CPEB1: variants seen among roughly 807,000 people sequenced by gnomAD.
CPEB1 encodes the protein cytoplasmic polyadenylation element binding protein 1.
CPEB1 carries 7 observed loss-of-function variants against 65.8 expected under a neutral mutation model. The observed-to-expected ratio is 0.11, with a 90% confidence interval of 0.06 to 0.20. The LOEUF (loss-of-function observed/expected upper bound fraction) is 0.20, where lower values mean the gene tolerates loss of function less well. CPEB1 is among the 10% of genes least tolerant of loss of function. CPEB1 has a pLI of 1.00. For synonymous variants in CPEB1, 262 were observed against 260.0 expected, an observed-to-expected ratio of 1.01 and a Z score of -0.08; for missense variants, 551 against 712.2, an observed-to-expected ratio of 0.77 and a Z score of 2.58.
At chr15:82,612,225 G>A (rs937038838) in intron 3 of CPEB1, among the ~76,000 whole-genome samples, 5 of 151,726 alleles carry the variant, frequency 3.3e-5, no homozygotes, top group Non-Finnish European at 5.9e-5. Flanking sequence ...AGCCAGGTGC[G>A]GTGGCTCATG....
chr15:82,628,894 A>G (rs2045998855), intron 1 of CPEB1: 1 of 163,528 alleles, frequency 6.1e-6, no homozygotes, highest in African/African-American at 2.4e-5. Context: ...TATAAAATAC[A>G]TGTAACATAC....
chr15:82,575,658 T>C (rs534498540), intron 3 of CPEB1, among the ~76,000 whole-genome samples: 2 of 152,278 alleles, frequency 1.3e-5, no homozygotes, highest in African/African-American at 4.8e-5. Context: ...ACAAGGATTA[T>C]ATAAATGGCC....
chr15:82,586,092 C>A (rs1451000094), intron 3 of CPEB1, among the ~76,000 whole-genome samples: 1 of 152,142 alleles, frequency 6.6e-6, no homozygotes, highest in African/African-American at 2.4e-5. Flanking sequence ...AAACAGACAT[C>A]AGGATACAAA....
In CPEB1 at chr15:82,554,024, G is replaced by C. The variant is rs193041779; in HGVS notation, c.941-33C>G. The C allele has an allele frequency of 1.2e-4, 165 of 1,364,838 alleles. No individual in the cohort carries two copies. The African/African-American group carries it at 2.2e-3, about 18-fold the overall frequency. 84.5% of individuals were successfully genotyped at this position (1,364,838 alleles called of 1,614,324 possible). ...AGATGGCAAAGAGATAAACAGGGGA[G>C]GTTAGAGAATCAACAAAGCCACACT... On this transcript the variant is annotated intron_variant, in intron 6 of 12. Transcript: ENST00000684509.
chr15:82,644,009 C>A (rs759731980), intron 1 of CPEB1, among the ~76,000 whole-genome samples: 2 of 152,108 alleles, frequency 1.3e-5, no homozygotes, highest in African/African-American at 4.8e-5. Context: ...TTTTAACTGT[C>A]CTGAAAAAAA....
At chr15:82,647,722 C>G (rs2047698233), upstream of CPEB1, 1 of 790,738 alleles carries the variant, frequency 1.3e-6, no homozygotes, top group South Asian at 6.2e-5. Flanking sequence ...GGCACGTGAC[C>G]GCGCCCCGCC....
intron 3 of CPEB1, among the ~76,000 whole-genome samples, chr15:82,609,660 G>GT (rs2043950616): frequency 6.6e-6 from 1 of 151,814 alleles, no homozygotes; most frequent in African/African-American, 2.4e-5. Context: ...ACAGAAGTTG[G>GT]TTCTTTGAAA....
intron 1 of CPEB1, among the ~76,000 whole-genome samples, chr15:82,637,532 C>T (rs146124118): frequency 3.0e-3 from 456 of 152,320 alleles, no homozygotes; most frequent in African/African-American, 0.01. Flanking sequence ...GCCCTCCGTA[C>T]GGAGTACCCC....
intron 1 of CPEB1, among the ~76,000 whole-genome samples, chr15:82,632,694 AC>A (rs2046362531): frequency 6.7e-6 from 1 of 150,162 alleles, no homozygotes; most frequent in African/African-American, 2.5e-5. Context: ...TTTTTTTTTA[AC>A]TTTTTTTTTT....
At chr15:82,571,879 G>A (rs2040085336) in intron 3 of CPEB1, 2 of 1,051,988 alleles carry the variant, frequency 1.9e-6, no homozygotes, top group Non-Finnish European at 2.3e-6. Flanking sequence ...GGAGCAGGAG[G>A]GGACGACAGG....
chr15:82,592,852 C>T (rs1205081350), intron 3 of CPEB1, among the ~76,000 whole-genome samples: 1 of 151,978 alleles, frequency 6.6e-6, no homozygotes, highest in Non-Finnish European at 1.5e-5. Flanking sequence ...AAAAAATTAG[C>T]CGGGCATGGT....
chr15:82,627,211 T>C lies in CPEB1; in HGVS notation c.253A>G (p.Ile85Val), dbSNP rs1318784954. The C allele has an allele frequency of 1.2e-6, 2 of 1,609,218 alleles. No homozygotes were observed. The highest frequency in any genetic ancestry group is 1.7e-5 in the Admixed American group (1 of 58,860). The change falls in exon 3 of 13, where the codon ATT becomes GTT. Residue 85 changes from isoleucine to valine, a missense_variant. Ile to Val is a conservative substitution (Grantham distance 29, BLOSUM62 3). Transcript: ENST00000684509. Reference sequence around the variant, plus strand: ...AAATCACCTGGCAAATGATCATGAATTCCTCGGTTTATAGGTGTAGTGCAG... The same window carrying C: ...AAATCACCTGGCAAATGATCATGAACTCCTCGGTTTATAGGTGTAGTGCAG... ...RVCTTPINRGIHDHLPDFQDS... is the reference protein window; with the variant it reads ...RVCTTPINRGVHDHLPDFQDS...
intron 3 of CPEB1, among the ~76,000 whole-genome samples, chr15:82,588,624 A>C (rs1470911875): frequency 1.3e-5 from 2 of 152,188 alleles, no homozygotes; most frequent in African/African-American, 4.8e-5. Flanking sequence ...TCTACAAATA[A>C]GGCAATGAAC....
chr15:82,629,356 T>C (rs1349480706), intron 1 of CPEB1: 11 of 985,150 alleles, frequency 1.1e-5, no homozygotes, highest in Non-Finnish European at 1.2e-5. Context: ...CTGATTAAGT[T>C]ATACAACTCT....
chr15:82,579,538 T>C (rs1034783812), intron 3 of CPEB1, among the ~76,000 whole-genome samples: 2 of 152,210 alleles, frequency 1.3e-5, no homozygotes, highest in South Asian at 2.1e-4. Context: ...ATTATCACCT[T>C]TGAGACACAG....
In CPEB1 at chr15:82,573,642, A is replaced by G. The variant is rs573640189; in HGVS notation, c.272-2110T>C. Among the ~76,000 whole-genome samples, 5 of 152,216 alleles carry G rather than the reference A, an allele frequency of 3.3e-5. 1 individual carries two copies. The South Asian group carries it at 1.0e-3, about 32-fold the overall frequency. On this transcript the variant is annotated intron_variant, in intron 3 of 12. Transcript: ENST00000684509. ...GGTGACTGTGCATATGATTACCCCC[A>G]TCCCTCACGAGGAGAGAATCAACTA...
At chr15:82,588,507 A>T (rs537323539) in intron 3 of CPEB1, among the ~76,000 whole-genome samples, 1 of 152,330 alleles carries the variant, frequency 6.6e-6, no homozygotes, top group African/African-American at 2.4e-5. Flanking sequence ...TAAAGAAATC[A>T]GCTTCATTAT....
intron 3 of CPEB1, among the ~76,000 whole-genome samples, chr15:82,584,857 G>T: frequency 2.4e-5 from 3 of 123,504 alleles, no homozygotes; most frequent in African/African-American, 3.2e-5. Context: ...GTTAACAATA[G>T]TTATTTCTCA....
At chr15:82,558,009 C>T (rs769920632) in intron 4 of CPEB1, 23 bp from the exon 5 acceptor site, 3 of 1,493,814 alleles carry the variant, frequency 2.0e-6, no homozygotes, top group Non-Finnish European at 2.7e-6. Flanking sequence ...AAAAGGAAAC[C>T]TCATGACCTC....
Sources: allele counts gnomAD v4.1 joint callset (sites outside exome capture counted in the v4.1 genomes callset), GRCh38; gene constraint gnomAD v4.1.1; transcripts MANE v1.5; gene names NCBI Gene and HGNC (gene_info 2026-07-23, HGNC 2026-07-21).